Variants in TANC2 observed in about 807,000 individuals in gnomAD.
The protein encoded by TANC2 is tetratricopeptide repeat, ankyrin repeat and coiled-coil containing 2.
In TANC2, 26 loss-of-function variants were observed where a neutral mutation model predicts 210.5. That is an observed-to-expected ratio of 0.12 (90% confidence interval 0.09 to 0.17). TANC2 has a LOEUF of 0.17. Among genes scored for constraint, TANC2 ranks in the 10% least tolerant of loss-of-function variants. The pLI, the probability that TANC2 is intolerant of heterozygous loss-of-function variation, is 1.00. For synonymous variants in TANC2, 931 were observed against 967.1 expected (o/e 0.96, Z 0.69); for missense variants, 2,129 against 2,608.9 (o/e 0.82, Z 4.01).
intron 9 of TANC2, among the ~76,000 whole-genome samples, chr17:63,289,803 G>A (rs2044331265): frequency 6.6e-6 from 1 of 152,134 alleles, no homozygotes; most frequent in Non-Finnish European, 1.5e-5. Context: ...CTGTAAGTGG[G>A]CCTTTATTAT....
At chr17:63,240,121 A>G (rs2146074261) in intron 8 of TANC2, among the ~76,000 whole-genome samples, 1 of 152,346 alleles carries the variant, frequency 6.6e-6, no homozygotes, top group East Asian at 1.9e-4. Flanking sequence ...GGCAAGCCTG[A>G]GTCTTTTCCG....
At chr17:63,108,607 G>A (rs546203277) in intron 4 of TANC2, among the ~76,000 whole-genome samples, 2 of 151,582 alleles carry the variant, frequency 1.3e-5, no homozygotes, top group Non-Finnish European at 2.9e-5. Flanking sequence ...CCAAGAGATC[G>A]AGACCATCCT....
intron 14 of TANC2, among the ~76,000 whole-genome samples, chr17:63,359,146 C>T (rs1207521633): frequency 2.0e-5 from 3 of 152,190 alleles, no homozygotes; most frequent in African/African-American, 4.8e-5. Flanking sequence ...TCACTGAAGT[C>T]TCAACCTCCT....
At chr17:63,362,391 A>G (rs1434390501) in intron 14 of TANC2, among the ~76,000 whole-genome samples, 1 of 152,060 alleles carries the variant, frequency 6.6e-6, no homozygotes, top group African/African-American at 2.4e-5. Context: ...CCCAGCCCCC[A>G]TGCTTCAGGC....
intron 6 of TANC2, among the ~76,000 whole-genome samples, chr17:63,197,297 T>A (rs1015296657): frequency 1.3e-5 from 2 of 152,172 alleles, no homozygotes; most frequent in African/African-American, 4.8e-5. Context: ...TGTTAAGCTT[T>A]ATACAAATTT....
intron 2 of TANC2, among the ~76,000 whole-genome samples, chr17:63,055,980 AAAAAAAAAAAAT>A (rs1362165127): frequency 5.3e-4 from 14 of 26,646 alleles, no homozygotes; most frequent in African/African-American, 8.5e-4. Flanking sequence ...AAAAAAAAAA[AAAAAAAAAAAAT>A]ATATATATAT....
chr17:63,030,467 C>T (rs1057149543), intron 2 of TANC2, among the ~76,000 whole-genome samples: 7 of 152,054 alleles, frequency 4.6e-5, no homozygotes, highest in African/African-American at 1.4e-4. Context: ...AAGAGGACTG[C>T]AGTACCTTCA....
intron 5 of TANC2, among the ~76,000 whole-genome samples, chr17:63,160,482 A>G (rs1228881712): frequency 1.3e-5 from 2 of 152,232 alleles, no homozygotes; most frequent in African/African-American, 4.8e-5. Context: ...CTTAACAACT[A>G]TTCCATCATT....
chr17:63,320,344 G>A (rs766284902), intron 11 of TANC2: 2 of 152,024 alleles, frequency 1.3e-5, no homozygotes, highest in Non-Finnish European at 2.9e-5. Flanking sequence ...GCCCTCCATC[G>A]AGCTCAGTCT....
chr17:63,394,036 T>C lies in TANC2; in HGVS notation c.3052-1707T>C, dbSNP rs542092757. On this transcript the variant is annotated intron_variant, in intron 17 of 27. Transcript: ENST00000689528. ...ATCCACCCGCCTCGGCCTCCCAAAG[T>C]GCTGGGATTACAGGCATGAGCCACC... Among the ~76,000 whole-genome samples the C allele has an allele frequency of 2.0e-5, 3 of 152,254 alleles. No homozygotes were observed. The East Asian group carries it at 5.8e-4, about 29-fold the overall frequency.
At chr17:63,003,063 C>G (rs1173928443) in intron 1 of TANC2, among the ~76,000 whole-genome samples, 1 of 152,058 alleles carries the variant, frequency 6.6e-6, no homozygotes, top group Non-Finnish European at 1.5e-5. Flanking sequence ...AGCCATTGTA[C>G]CATTTTATAC....
rs759117220 is a variant in TANC2, at chr17:63,421,773, C to T, written c.6043C>T (p.Arg2015Cys). 5 of 1,614,036 alleles carry T rather than the reference C, an allele frequency of 3.1e-6. No homozygotes were observed. Among genetic ancestry groups the T allele is most frequent in the South Asian group, 1.1e-5 (1 of 91,080 alleles). ...CCATGGGATGCTGGCTAACGGGTCT[C>T]GTGGAGACCTCTTGGAGCGAGTCAG... The change falls in exon 28 of 28, where the codon CGT (arginine) becomes TGT (cysteine). Residue 2015 changes from arginine to cysteine, a missense_variant. Physicochemically the swap from Arg to Cys is radical, Grantham distance 180. Coordinates refer to ENST00000689528, the Ensembl canonical transcript of TANC2. This position sits in a 1 kb window ranked among gnomAD's most constrained non-coding sequence, Gnocchi z 6.9.
At chr17:63,402,365 C>G (rs930896786) in intron 19 of TANC2, among the ~76,000 whole-genome samples, 1 of 152,230 alleles carries the variant, frequency 6.6e-6, no homozygotes, top group African/African-American at 2.4e-5. Flanking sequence ...ACATATTCGT[C>G]TGTTTCCTTA....
chr17:63,092,600 T>C (rs2037239398), intron 3 of TANC2, among the ~76,000 whole-genome samples: 4 of 152,020 alleles, frequency 2.6e-5, no homozygotes, highest in Admixed American at 2.6e-4. Context: ...GCTTGGCTTC[T>C]AGGGAAGCTT....
At chr17:63,013,764 A>AG (rs2033983702) in intron 2 of TANC2, among the ~76,000 whole-genome samples, 1 of 138,046 alleles carries the variant, frequency 7.2e-6, no homozygotes, top group Non-Finnish European at 1.6e-5. Flanking sequence ...CCTGTCTTTA[A>AG]AAAAAAAAAA....
intron 3 of TANC2, among the ~76,000 whole-genome samples, chr17:63,098,787 T>G (rs1373810379): frequency 6.6e-6 from 1 of 151,852 alleles, no homozygotes; most frequent in Non-Finnish European, 1.5e-5. Flanking sequence ...AGAAATAGAG[T>G]TACAATGATC....
chr17:63,314,796 C>A (rs2045261890), intron 10 of TANC2, 127 bp downstream of exon 10: 1 of 1,187,108 alleles, frequency 8.4e-7, no homozygotes, highest in East Asian at 2.4e-5. Flanking sequence ...GAGGACTATT[C>A]ATTTAGGTTG....
chr17:63,211,197 A>C (rs2041874730), intron 7 of TANC2, among the ~76,000 whole-genome samples: 1 of 152,226 alleles, frequency 6.6e-6, no homozygotes, highest in Non-Finnish European at 1.5e-5. Flanking sequence ...GGTTACCTAA[A>C]AGATAAAGTG....
chr17:63,199,537 T>A (rs2041458988), intron 6 of TANC2, among the ~76,000 whole-genome samples: 1 of 151,742 alleles, frequency 6.6e-6, no homozygotes, highest in Admixed American at 6.6e-5. Flanking sequence ...GAGAATCACT[T>A]GAACCTGGGC....
Sources: gnomAD v4.1 joint callset for allele counts (sites outside exome capture counted in the v4.1 genomes callset) on GRCh38, gnomAD v4.1.1 for gene constraint, Gnocchi (gnomAD v3.1) non-coding constraint, MANE v1.5 for transcripts, NCBI Gene and HGNC (gene_info 2026-07-23, HGNC 2026-07-21) for gene names.